The following GPRASP3 variants were observed in gnomAD, a reference collection of about 807,000 sequenced individuals.
GPRASP3 encodes the protein G protein-coupled receptor associated sorting protein 3.
At chrX:102,734,375 T>G in the GPRASP3 span, among the ~76,000 whole-genome samples, 1 of 112,161 alleles carries the variant, frequency 8.9e-6, no homozygotes, top group African/African-American at 3.2e-5. Flanking sequence ...TCCCAGCACT[T>G]TGGGAGGCCA....
chrX:102,740,413 T>A, the GPRASP3 span, among the ~76,000 whole-genome samples: 2 of 112,350 alleles, frequency 1.8e-5, no homozygotes, highest in Non-Finnish European at 3.8e-5. Context: ...CAAGTGTTAC[T>A]TCCACTAGTC....
the GPRASP3 span, among the ~76,000 whole-genome samples, chrX:102,742,094 G>C: frequency 1.8e-5 from 2 of 112,062 alleles, no homozygotes; most frequent in Non-Finnish European, 1.9e-5. Context: ...GCTTGCTATT[G>C]CCCTCATCAT....
chrX:102,722,582 C>T, the GPRASP3 span, among the ~76,000 whole-genome samples: 1 of 111,924 alleles, frequency 8.9e-6, no homozygotes, highest in African/African-American at 3.3e-5. Context: ...TTCCAACCCT[C>T]TAATCATGCC....
chrX:102,726,477 C>T, the GPRASP3 span, among the ~76,000 whole-genome samples: 1 of 111,573 alleles, frequency 9.0e-6, no homozygotes, highest in South Asian at 3.8e-4. Flanking sequence ...GTTTATCAGC[C>T]TATTCCACCC....
the GPRASP3 span, among the ~76,000 whole-genome samples, chrX:102,732,838 T>C: frequency 8.9e-6 from 1 of 111,919 alleles, no homozygotes; most frequent in Non-Finnish European, 1.9e-5. Flanking sequence ...CATGGGTTTG[T>C]ACCTTCAAAT....
the GPRASP3 span, chrX:102,721,226 G>C: frequency 1.8e-5 from 2 of 111,943 alleles, no homozygotes; most frequent in Non-Finnish European, 3.8e-5. Flanking sequence ...GTTGGCTTCA[G>C]GGGAGCCCAG....
At chrX:102,730,948 GA>G in the GPRASP3 span, among the ~76,000 whole-genome samples, 1 of 112,064 alleles carries the variant, frequency 8.9e-6, no homozygotes, top group East Asian at 2.8e-4. Flanking sequence ...AAATTGAAAT[GA>G]AAAAAAGAAC....
At chrX:102,728,101 A>G in the GPRASP3 span, among the ~76,000 whole-genome samples, 1 of 112,180 alleles carries the variant, frequency 8.9e-6, no homozygotes, top group Non-Finnish European at 1.9e-5. Context: ...TTCTAATAGT[A>G]TCATGCACTG....
chrX:102,747,021 A>G, the GPRASP3 span, among the ~76,000 whole-genome samples: 1 of 111,826 alleles, frequency 8.9e-6, no homozygotes, highest in Non-Finnish European at 1.9e-5. Context: ...TAGAGGGGTA[A>G]TCTTTTTGAA....
At chrX:102,722,379 A>G in the GPRASP3 span, among the ~76,000 whole-genome samples, 1 of 112,692 alleles carries the variant, frequency 8.9e-6, no homozygotes, top group South Asian at 3.7e-4. Flanking sequence ...AGAAGCTGCC[A>G]TCCATGTGGA....
the GPRASP3 span, among the ~76,000 whole-genome samples, chrX:102,726,963 G>A: frequency 8.9e-6 from 1 of 112,430 alleles, no homozygotes; most frequent in Non-Finnish European, 1.9e-5. Context: ...GAGAATTTCT[G>A]GCTTTTCTTT....
At chrX:102,745,110 G>A in the GPRASP3 span, among the ~76,000 whole-genome samples, 1 of 111,143 alleles carries the variant, frequency 9.0e-6, no homozygotes, top group Admixed American at 9.5e-5. Context: ...TCGAGGAAGT[G>A]CGCGAATAGT....
chrX:102,739,373 T>C, the GPRASP3 span, among the ~76,000 whole-genome samples: 1 of 111,423 alleles, frequency 9.0e-6, no homozygotes, highest in Non-Finnish European at 1.9e-5. Context: ...CTTGAAGGTC[T>C]TGATGCACAT....
the GPRASP3 span, chrX:102,748,895 A>G: frequency 1.1e-6 from 1 of 896,074 alleles, no homozygotes; most frequent in Non-Finnish European, 1.5e-6. Context: ...CTTGCTACCA[A>G]GTTTTTCCCC....
At chrX:102,750,379 A>T in the GPRASP3 span, 1 of 1,203,217 alleles carries the variant, frequency 8.3e-7, no homozygotes, top group East Asian at 3.0e-5. Flanking sequence ...CAAAACCAGA[A>T]ATCTTGTTTT....
chrX:102,748,620 T>G, the GPRASP3 span: 1 of 145,019 alleles, frequency 6.9e-6, no homozygotes, highest in African/African-American at 3.1e-5. Flanking sequence ...TCTACTCTCC[T>G]ATGTCCTTCT....
chrX:102,730,660 G>A, the GPRASP3 span, among the ~76,000 whole-genome samples: 4 of 111,528 alleles, frequency 3.6e-5, no homozygotes, highest in Non-Finnish European at 7.5e-5. Flanking sequence ...GGAGGGTACA[G>A]TAATCCACAT....
chrX:102,731,435 A>G, the GPRASP3 span, among the ~76,000 whole-genome samples: 1 of 111,559 alleles, frequency 9.0e-6, no homozygotes, highest in South Asian at 3.8e-4. Flanking sequence ...CAGCCTGACC[A>G]ACATGGTGAA....
At chrX:102,739,197 T>C in the GPRASP3 span, among the ~76,000 whole-genome samples, 1,219 of 111,674 alleles carry the variant, frequency 0.011, 23 homozygotes, top group African/African-American at 0.038. Context: ...TTTCACACTT[T>C]TATCAGTGGC....
Sources: allele counts gnomAD v4.1 joint callset (sites outside exome capture counted in the v4.1 genomes callset), GRCh38; gene constraint gnomAD v4.1.1; transcripts MANE v1.5; gene names NCBI Gene and HGNC (gene_info 2026-07-23, HGNC 2026-07-21).